Variants in DENND4C observed in about 807,000 individuals in gnomAD.
The protein encoded by DENND4C is DENN domain containing 4C, also known as DENN domain-containing protein 4C.
A neutral mutation model predicts 203.0 loss-of-function variants in DENND4C; 108 were observed. That is an observed-to-expected ratio of 0.53 (90% CI 0.46 to 0.62). The LOEUF (loss-of-function observed/expected upper bound fraction) is 0.62, where lower values mean the gene tolerates loss of function less well. Among genes scored for constraint, DENND4C ranks in the 20% least tolerant of loss-of-function variants. The pLI is 0.00. For missense variants in DENND4C, 2,481 were observed against 2,301.2 expected, an observed-to-expected ratio of 1.08 and a Z score of -1.60; for synonymous variants, 871 against 792.4, an observed-to-expected ratio of 1.10 and a Z score of -1.67.
intron 22 of DENND4C, among the ~76,000 whole-genome samples, 157 bp downstream of exon 22, chr9:19,342,936 A>C (rs1588956616): frequency 6.6e-6 from 1 of 152,196 alleles, no homozygotes; most frequent in Non-Finnish European, 1.5e-5. Context: ...AGAAATTGAA[A>C]ATATTGTTAT....
At chr9:19,363,942 A>C (rs540315639) in intron 30 of DENND4C, among the ~76,000 whole-genome samples, 1 of 152,250 alleles carries the variant, frequency 6.6e-6, no homozygotes, top group Admixed American at 6.5e-5. Context: ...TGGACCCGGG[A>C]AGCAGAGGTT....
intron 1 of DENND4C, among the ~76,000 whole-genome samples, chr9:19,247,206 C>G (rs1012919682): frequency 6.6e-6 from 1 of 152,114 alleles, no homozygotes; most frequent in African/African-American, 2.4e-5. Flanking sequence ...CTTCTCTTTC[C>G]TCACCTGAAG....
intron 2 of DENND4C, among the ~76,000 whole-genome samples, chr9:19,283,709 C>T (rs1228812329): frequency 6.7e-6 from 1 of 150,370 alleles, no homozygotes; most frequent in Non-Finnish European, 1.5e-5. Flanking sequence ...GCCCCCTCAC[C>T]CCCACCCCCG....
At chr9:19,234,950 C>CT (rs71333102) in intron 1 of DENND4C, among the ~76,000 whole-genome samples, 194 of 142,296 alleles carry the variant, frequency 1.4e-3, no homozygotes, top group East Asian at 1.8e-3. Context: ...AGTCAACTTT[C>CT]TTTTTTTTTT....
In DENND4C at chr9:19,235,595, TACAGAAGAGTCATC is replaced by T. The variant is rs1473506473; in HGVS notation, c.-18+4763_-18+4776del. 1.3e-3 allele frequency among the ~76,000 whole-genome samples: 201 copies of T among 149,254 alleles called. 2 individuals carry two copies. Among genetic ancestry groups the T allele is most frequent in the Middle Eastern group, 3.5e-3 (1 of 286 alleles). ...AATCCAGATTTATTATCTGTTGGTT[TACAGAAGAGTCATC>T]TTTTTTTTTTTTTTTTTTTGAGACG... is the stretch of plus-strand genomic sequence containing the variant. On this transcript the variant is annotated intron_variant, in intron 1 of 32. Coordinates refer to ENST00000434457, the MANE Select transcript of DENND4C (RefSeq NM_001330640.2).
chr9:19,329,352 A>G (rs1319368991), intron 16 of DENND4C, among the ~76,000 whole-genome samples: 1 of 152,214 alleles, frequency 6.6e-6, no homozygotes. Flanking sequence ...CATTTAGTGT[A>G]ACATTTCAGG....
At position 19,300,297 on chromosome 9, in the gene DENND4C, C is replaced by T. The variant is rs773024642; in HGVS notation, c.1277C>T (p.Ala426Val). The T allele has an allele frequency of 1.2e-6, 2 of 1,602,264 alleles. No homozygotes were observed. The highest frequency in any genetic ancestry group is 3.3e-5 in the Admixed American group (2 of 59,882). Residue 426 changes from alanine (A) to valine (V), a missense_variant, in exon 9 of 33, where the codon GCT becomes GTT. Physicochemically the swap from Ala to Val is moderately conservative, Grantham distance 64. This residue lies in a region of DENND4C where 2,289 missense variants were observed against 2,113.3 expected (regional missense o/e 1.08). Transcript: ENST00000434457. ...SKILLHSLRP[A>V]VLTGVAEAVV... is the part of the protein sequence containing the mutation. ...ATTCTGCTGCATTCTCTTAGGCCAGCTGTCTTGACTGGGGTAGCTGAAGCT... is the reference window on the plus strand; with the variant it reads ...ATTCTGCTGCATTCTCTTAGGCCAGTTGTCTTGACTGGGGTAGCTGAAGCT...
At chr9:19,270,917 T>C (rs1831514369) in intron 1 of DENND4C, among the ~76,000 whole-genome samples, 1 of 152,220 alleles carries the variant, frequency 6.6e-6, no homozygotes, top group African/African-American at 2.4e-5. Flanking sequence ...AAAAATCAAT[T>C]GTATTTCTAT....
intron 2 of DENND4C, among the ~76,000 whole-genome samples, chr9:19,281,118 C>G (rs1833966401): frequency 6.6e-6 from 1 of 152,114 alleles, no homozygotes; most frequent in Admixed American, 6.6e-5. Flanking sequence ...AGATGTGAAT[C>G]TCTGCAAAAT....
chr9:19,234,398 AT>A (rs960280337), intron 1 of DENND4C, among the ~76,000 whole-genome samples: 34 of 151,310 alleles, frequency 2.2e-4, no homozygotes, highest in African/African-American at 7.8e-4. Context: ...GCCTGGCTAA[AT>A]TTTTTTATTT....
intron 1 of DENND4C, among the ~76,000 whole-genome samples, chr9:19,231,771 T>G (rs1338149228): frequency 6.6e-6 from 1 of 151,982 alleles, no homozygotes; most frequent in Admixed American, 6.6e-5. Context: ...TCTTTGTGCC[T>G]CCGAGATACT....
intron 12 of DENND4C, among the ~76,000 whole-genome samples, chr9:19,318,366 T>G (rs1285711873): frequency 6.6e-6 from 1 of 152,054 alleles, no homozygotes; most frequent in African/African-American, 2.4e-5. Flanking sequence ...AGTTTTCTCA[T>G]TAATAAAATG....
At chr9:19,295,245 G>A (rs1002435382) in intron 5 of DENND4C, among the ~76,000 whole-genome samples, 10 of 152,100 alleles carry the variant, frequency 6.6e-5, no homozygotes, top group Admixed American at 1.3e-4. Context: ...AGTGGCGCAC[G>A]CCGTAATCCC....
intron 1 of DENND4C, among the ~76,000 whole-genome samples, chr9:19,244,192 G>T (rs372969840): frequency 6.6e-4 from 101 of 152,140 alleles, no homozygotes; most frequent in African/African-American, 2.4e-3. Context: ...CATCACACCT[G>T]GCTAAATTTT....
At position 19,327,977 on chromosome 9, in the gene DENND4C, A is replaced by T. The variant is rs529377935; in HGVS notation, c.2121-53A>T. The T allele has an allele frequency of 9.5e-5, 142 of 1,501,474 alleles. No homozygotes were observed. In the African/African-American group the frequency reaches 1.8e-3, roughly 19 times the overall value. The allele number at this position is 1,501,474 out of a possible 1,614,324, so 93.0% of individuals were successfully genotyped here. A position where few individuals can be genotyped will look rare whatever the true frequency, so the allele number is the denominator to read the frequency against. On this transcript the variant is annotated intron_variant, in intron 15 of 32. Transcript: ENST00000434457. ...ATATTTGCCTAAACGCTGGAATAATATGAAGAGTTGGTGTGTTTTAAATCA... is the reference window on the plus strand; with the variant it reads ...ATATTTGCCTAAACGCTGGAATAATTTGAAGAGTTGGTGTGTTTTAAATCA...
Position 19,296,160 on chromosome 9 carries a change from C to G in DENND4C, c.954C>G (p.His318Gln). Residue 318 changes from histidine (H) to glutamine (Q), a missense_variant, in exon 6 of 33, where the codon CAC becomes CAG. By Grantham distance (24) the His-to-Gln change is conservative (BLOSUM62 0). This residue lies in a region of DENND4C where 2,289 missense variants were observed against 2,113.3 expected (regional missense o/e 1.08). Coordinates refer to ENST00000434457, the MANE Select transcript of DENND4C (RefSeq NM_001330640.2). ...NTNKCICLLSHWPFFEAFRKF... is the reference protein window; with the variant it reads ...NTNKCICLLSQWPFFEAFRKF... ...ACAAATGCATTTGTTTACTCTCACA[C>G]TGGCCTTTTTTTGAAGCTTTTAGGA... 1 of 1,614,014 alleles carries G rather than the reference C, an allele frequency of 6.2e-7. No homozygotes were observed. The highest frequency in any genetic ancestry group is 8.5e-7 in the Non-Finnish European group (1 of 1,179,968).
Position 19,328,116 on chromosome 9 carries a change from A to T in DENND4C, c.2207A>T (p.Asn736Ile). Reference protein sequence around the residue: ...KLCFSRHPTGNSITKSPPLMA... With the variant: ...KLCFSRHPTGISITKSPPLMA... The stretch of plus-strand genomic sequence containing the variant: ...TGTTTTAGTAGACACCCTACTGGGA[A>T]TAGCATTACAAAGAGTCCACCTCTC... The change falls in exon 16 of 33, where the codon AAT becomes ATT. Residue 736 changes from asparagine to isoleucine, a missense_variant. Physicochemically the swap from Asn to Ile is moderately radical, Grantham distance 149. Transcript: ENST00000434457. 1.9e-6 allele frequency: 3 copies of T among 1,613,804 alleles called. No individual in the cohort carries two copies. The highest frequency in any genetic ancestry group is 2.5e-6 in the Non-Finnish European group (3 of 1,179,846).
chr9:19,240,782 C>T (rs989267090), intron 1 of DENND4C, among the ~76,000 whole-genome samples: 1 of 152,018 alleles, frequency 6.6e-6, no homozygotes, highest in Non-Finnish European at 1.5e-5. Flanking sequence ...GCCTGGCCAA[C>T]ATGGTGAAAC....
intron 1 of DENND4C, among the ~76,000 whole-genome samples, chr9:19,239,775 C>G (rs756346259): frequency 1.3e-5 from 2 of 152,106 alleles, no homozygotes; most frequent in Non-Finnish European, 2.9e-5. Context: ...CGTGAGCCAC[C>G]GTGCCCAGCC....
Sources: allele counts gnomAD v4.1 joint callset (sites outside exome capture counted in the v4.1 genomes callset), GRCh38; gene constraint gnomAD v4.1.1; regional missense constraint gnomAD v4.1.1; transcripts MANE v1.5; gene names NCBI Gene and HGNC (gene_info 2026-07-23, HGNC 2026-07-21).